Variants in DROSHA observed in about 807,000 individuals in gnomAD.
DROSHA encodes the protein ribonuclease 3.
DROSHA carries 56 observed loss-of-function variants against 181.9 expected under a neutral mutation model. The ratio of observed to expected loss-of-function variants is 0.31; its 90% CI spans 0.25 to 0.38. The LOEUF is 0.38. Ranked by LOEUF, DROSHA falls within the 10% of genes least tolerant of loss-of-function variation. DROSHA has a pLI of 1.00. For synonymous variants in DROSHA, 524 were observed against 591.2 expected (o/e 0.89, Z 1.65); for missense variants, 1,218 against 1,743.5 (o/e 0.70, Z 5.37).
At chr5:31,487,543 G>C (rs906641462) in intron 13 of DROSHA, among the ~76,000 whole-genome samples, 1 of 152,196 alleles carries the variant, frequency 6.6e-6, no homozygotes, top group Non-Finnish European at 1.5e-5. Context: ...AGAAGTCCCA[G>C]AGACGCGTTA....
intron 20 of DROSHA, among the ~76,000 whole-genome samples, chr5:31,463,550 T>C (rs1748651408): frequency 6.6e-6 from 1 of 152,174 alleles, no homozygotes; most frequent in South Asian, 2.1e-4. Flanking sequence ...TCATTTCCTT[T>C]ACTGTAATTC....
Position 31,514,976 on chromosome 5 carries a change from C to T in DROSHA, c.1290+12G>A, listed in dbSNP as rs1315345418. On this transcript the variant is annotated intron_variant, in intron 8 of 35. Coordinates refer to ENST00000344624, the MANE Select transcript of DROSHA (RefSeq NM_001382508.1). This position sits in a 1 kb window ranked among gnomAD's most constrained non-coding sequence, Gnocchi z 4.4. ...GCCCTAGTCTACAGCTTGTCTGCTA[C>T]TTCAGACCTACCACCTGATCCATGG... is the stretch of plus-strand genomic sequence containing the variant. The T allele has an allele frequency of 6.2e-7, 1 of 1,612,328 alleles. No individual in the cohort carries two copies. Among genetic ancestry groups the T allele is most frequent in the Non-Finnish European group, 8.5e-7 (1 of 1,178,912 alleles).
rs1746370899 is a variant in DROSHA, at chr5:31,446,876, C to T, written c.2882+1671G>A. Among the ~76,000 whole-genome samples, 7 of 152,170 alleles carry T rather than the reference C, an allele frequency of 4.6e-5. 1 individual carries two copies. In the South Asian group the frequency reaches 1.5e-3, roughly 32 times the overall value. ...CCAACATGGCGAAACCTCGTCTCTA[C>T]CAAAAATATAAAAATTAGCCAGGCA... is the stretch of plus-strand genomic sequence containing the variant. On this transcript the variant is annotated intron_variant, in intron 23 of 35. Coordinates refer to ENST00000344624, the MANE Select transcript of DROSHA (RefSeq NM_001382508.1).
At chr5:31,485,652 C>G (rs762793836) in intron 14 of DROSHA, among the ~76,000 whole-genome samples, 1 of 62,464 alleles carries the variant, frequency 1.6e-5, no homozygotes. Context: ...AAAAAAAAAC[C>G]CTTCTAAAGC....
intron 4 of DROSHA, among the ~76,000 whole-genome samples, chr5:31,527,808 A>G (rs1437897619): frequency 6.6e-6 from 1 of 152,202 alleles, no homozygotes; most frequent in Non-Finnish European, 1.5e-5. Flanking sequence ...CCCAGTCTAT[A>G]GCATTTAGTC....
chr5:31,463,757 A>G lies in DROSHA; in HGVS notation c.2574+479T>C, dbSNP rs1748692948. Among the ~76,000 whole-genome samples, 2 of 152,200 alleles carry G rather than the reference A, an allele frequency of 1.3e-5. 1 individual carries two copies. Among genetic ancestry groups the G allele is most frequent in the South Asian group, 4.1e-4 (2 of 4,838 alleles). ...GGGAAAATATATTATCATTTGGTTC[A>G]AATATGAAGTATACACTGATTCTGT... On this transcript the variant is annotated intron_variant, in intron 20 of 35. Transcript: ENST00000344624.
At chr5:31,464,125 C>A (rs748403550) in intron 20 of DROSHA, 111 bp downstream of exon 20, 56 of 899,366 alleles carry the variant, frequency 6.2e-5, no homozygotes, top group Non-Finnish European at 7.9e-5. Context: ...TCCATTTAGT[C>A]TCAAGGTAGT....
intron 20 of DROSHA, among the ~76,000 whole-genome samples, chr5:31,456,284 GAT>G (rs1747648118): frequency 6.6e-6 from 1 of 152,086 alleles, no homozygotes; most frequent in African/African-American, 2.4e-5. Context: ...TTCTAACATT[GAT>G]TAGTACAACC....
chr5:31,497,240 C>T (rs966459911), intron 11 of DROSHA, among the ~76,000 whole-genome samples: 1 of 152,136 alleles, frequency 6.6e-6, no homozygotes, highest in Non-Finnish European at 1.5e-5. Flanking sequence ...AGTGATTGTA[C>T]AGACTTGCAG....
At chr5:31,432,770 T>A (rs1352064729) in intron 25 of DROSHA, among the ~76,000 whole-genome samples, 1 of 152,212 alleles carries the variant, frequency 6.6e-6, no homozygotes, top group Non-Finnish European at 1.5e-5. Flanking sequence ...TACCTCTGGA[T>A]TCATTTCACT....
At position 31,409,568 on chromosome 5, in the gene DROSHA, G is replaced by C. The variant is rs1181465732; in HGVS notation, c.3668-236C>G. ...AACACCAAACTGCATTTAGCTAAGG[G>C]CTAAAGGAATAGCTTAAAAGGTACA... On this transcript the variant is annotated intron_variant, in intron 31 of 35. Transcript: ENST00000344624. This position sits in a 1 kb window ranked among gnomAD's most constrained non-coding sequence, Gnocchi z 4.0. The C allele has an allele frequency of 4.1e-6, 2 of 492,318 alleles. No individual in the cohort carries two copies. Among genetic ancestry groups the C allele is most frequent in the African/African-American group, 3.9e-5 (2 of 51,494 alleles). The allele number at this position is 492,318 out of a possible 1,614,324, so 30.5% of individuals were successfully genotyped here. A position where few individuals can be genotyped will look rare whatever the true frequency, so the allele number is the denominator to read the frequency against.
At chr5:31,517,881 C>T (rs1208028255) in intron 6 of DROSHA, among the ~76,000 whole-genome samples, 1 of 151,722 alleles carries the variant, frequency 6.6e-6, no homozygotes, top group Non-Finnish European at 1.5e-5. Flanking sequence ...ACCTGGGCAA[C>T]ATAGCGAGAT....
At chr5:31,463,031 T>A (rs1469912243) in intron 20 of DROSHA, among the ~76,000 whole-genome samples, 1 of 152,108 alleles carries the variant, frequency 6.6e-6, no homozygotes, top group African/African-American at 2.4e-5. Context: ...ATGTCCACCT[T>A]TGGATGACAT....
At chr5:31,426,336 T>C (rs1473328130) in intron 27 of DROSHA, among the ~76,000 whole-genome samples, 1 of 152,200 alleles carries the variant, frequency 6.6e-6, no homozygotes, top group Non-Finnish European at 1.5e-5. Flanking sequence ...CTGGCTCTTC[T>C]GGAAAATATT....
chr5:31,412,031 A>G (rs561821585), intron 30 of DROSHA, among the ~76,000 whole-genome samples: 2 of 152,358 alleles, frequency 1.3e-5, no homozygotes, highest in East Asian at 3.9e-4. Flanking sequence ...TCAGACAGCT[A>G]AGAGTCCTCC....
chr5:31,523,332 A>G (rs1740118715), intron 5 of DROSHA, among the ~76,000 whole-genome samples: 1 of 152,242 alleles, frequency 6.6e-6, no homozygotes, highest in Non-Finnish European at 1.5e-5. Context: ...ATAGATCCTC[A>G]TAGTAAAGGA....
rs752096516 is a variant in DROSHA, at chr5:31,486,468, C to T, written c.1914+23G>A. 3 of 1,608,434 alleles carry T rather than the reference C, an allele frequency of 1.9e-6. No homozygotes were observed. The African/African-American group carries it at 4.1e-5, about 22-fold the overall frequency. On this transcript the variant is annotated intron_variant, in intron 14 of 35. Coordinates refer to ENST00000344624, the MANE Select transcript of DROSHA (RefSeq NM_001382508.1). ...AAGCAAAAGAGCAAACTACATCAAA[C>T]CACACACAATCTTTTCCCTTACCTC...
At chr5:31,452,871 T>C (rs578021177) in intron 20 of DROSHA, among the ~76,000 whole-genome samples, 32 of 152,354 alleles carry the variant, frequency 2.1e-4, no homozygotes, top group South Asian at 4.1e-4. Context: ...GCTAGAAATA[T>C]GCCATTAGGA....
Position 31,451,521 on chromosome 5 carries a change from A to T in DROSHA, c.2682+12T>A. The stretch of plus-strand genomic sequence containing the variant: ...TTGTTATTATGTGAGTTTACAGGAG[A>T]ATAATTCTTACCTGCAACAGACAAC... On this transcript the variant is annotated intron_variant, in intron 21 of 35. Coordinates refer to ENST00000344624, the MANE Select transcript of DROSHA (RefSeq NM_001382508.1). 6.3e-7 allele frequency: 1 copy of T among 1,597,940 alleles called. No homozygotes were observed. The highest frequency in any genetic ancestry group is 8.6e-7 in the Non-Finnish European group (1 of 1,169,168).
Sources: allele counts gnomAD v4.1 joint callset (sites outside exome capture counted in the v4.1 genomes callset), GRCh38; gene constraint gnomAD v4.1.1; non-coding constraint Gnocchi (gnomAD v3.1); transcripts MANE v1.5; gene names NCBI Gene and HGNC (gene_info 2026-07-23, HGNC 2026-07-21).